ADAMTSL1: variants seen among roughly 807,000 people sequenced by gnomAD.
ADAMTSL1 encodes the protein ADAMTS-like protein 1.
A neutral mutation model predicts 201.8 loss-of-function variants in ADAMTSL1; 126 were observed. The observed-to-expected ratio is 0.62, with a 90% confidence interval of 0.54 to 0.72. The LOEUF (loss-of-function observed/expected upper bound fraction) is 0.72. ADAMTSL1 is among the 30% of genes least tolerant of loss of function. ADAMTSL1 has a pLI of 0.00. For missense variants in ADAMTSL1, 2,679 were observed against 2,277.8 expected (o/e 1.18, Z -3.59); for synonymous variants, 1,121 against 903.4 (o/e 1.24, Z -4.32).
At chr9:17,955,800 T>C (rs1352259394) in intron 1 of ADAMTSL1, among the ~76,000 whole-genome samples, 3 of 152,184 alleles carry the variant, frequency 2.0e-5, no homozygotes, top group Non-Finnish European at 4.4e-5. Flanking sequence ...TATCATAGTA[T>C]GTACGTTTAG....
chr9:18,715,892 T>C (rs1832896940), intron 14 of ADAMTSL1, among the ~76,000 whole-genome samples: 1 of 151,414 alleles, frequency 6.6e-6, no homozygotes. Context: ...AACTGAGATA[T>C]AGATCAATGG....
chr9:18,098,982 G>A (rs1793314409), intron 1 of ADAMTSL1, among the ~76,000 whole-genome samples: 2 of 152,070 alleles, frequency 1.3e-5, no homozygotes, highest in African/African-American at 4.8e-5. Flanking sequence ...ATTAATATCT[G>A]AAGATAGTTG....
rs1265987650 is a variant in ADAMTSL1, at chr9:18,348,199, T to C, written c.208-156630T>C. On this transcript the variant is annotated intron_variant, in intron 2 of 29. Coordinates refer to the ADAMTSL1 transcript ENST00000680146. The stretch of plus-strand genomic sequence containing the variant: ...TTGATTTAGTATTTTCTGTTTATAA[T>C]GAACTTTTAGTTAACTTGGATGGTT... Among the ~76,000 whole-genome samples the C allele has an allele frequency of 3.3e-5, 5 of 152,210 alleles. No individual in the cohort carries two copies. In the East Asian group the frequency reaches 7.7e-4, roughly 23 times the overall value.
chr9:18,452,254 G>A (rs1330914552), intron 2 of ADAMTSL1, among the ~76,000 whole-genome samples: 1 of 152,064 alleles, frequency 6.6e-6, no homozygotes, highest in Non-Finnish European at 1.5e-5. Flanking sequence ...AAGATAATGA[G>A]CCCACTTTTA....
rs139461494 is a variant in ADAMTSL1 at position 18,251,365 on chromosome 9, G to A, written c.207+87384G>A. 7.1e-3 allele frequency among the ~76,000 whole-genome samples: 1,076 copies of A among 152,082 alleles called. 15 individuals carry two copies. Among genetic ancestry groups the A allele is most frequent in the African/African-American group, 0.025 (1,018 of 41,494 alleles). On this transcript the variant is annotated intron_variant, in intron 2 of 29. Coordinates refer to the ADAMTSL1 transcript ENST00000680146. The stretch of plus-strand genomic sequence containing the variant: ...AGTTTCTAGACAAGAAAGTTTTATC[G>A]AGTCCTGAAAGAAGCATTTTGATGT...
At position 18,148,339 on chromosome 9, in the gene ADAMTSL1, C is replaced by CAAA. The variant is rs397802968; in HGVS notation, c.88-15512_88-15510dup. ...CAGTCACCTACACTTCAGTGACAGC[C>CAAA]AAAAAAAAAAAAACATGGATGATTA... On this transcript the variant is annotated intron_variant, in intron 1 of 29. Coordinates refer to the ADAMTSL1 transcript ENST00000680146. Among the ~76,000 whole-genome samples, 264 of 137,968 alleles carry CAAA rather than the reference C, an allele frequency of 1.9e-3. 3 individuals carry two copies. Among genetic ancestry groups the CAAA allele is most frequent in the Non-Finnish European group, 3.1e-3 (198 of 63,806 alleles). 90.5% of individuals were successfully genotyped at this position (137,968 alleles called of 152,430 possible).
intron 2 of ADAMTSL1, among the ~76,000 whole-genome samples, chr9:18,312,681 C>T (rs1220178773): frequency 6.6e-6 from 1 of 152,188 alleles, no homozygotes; most frequent in Non-Finnish European, 1.5e-5. Context: ...TTTTCATCCT[C>T]AGTTTAAAAA....
At position 18,602,962 on chromosome 9, in the gene ADAMTSL1, G is replaced by A. The variant is rs369992888; in HGVS notation, c.475-19281G>A. 5.3e-5 allele frequency among the ~76,000 whole-genome samples: 8 copies of A among 152,238 alleles called. No individual in the cohort carries two copies. The East Asian group carries it at 9.7e-4, about 18-fold the overall frequency. On this transcript the variant is annotated intron_variant, in intron 4 of 28. Coordinates refer to ENST00000380548, the MANE Select transcript of ADAMTSL1 (RefSeq NM_001040272.6). ...CCCATTTTTCTTCCTTAGATCAATA[G>A]GCAACTTCTAAGAGGTAAAAAATGA...
chr9:18,891,192 C>CATAGGTTCACCTT (rs966587602), intron 25 of ADAMTSL1, among the ~76,000 whole-genome samples: 2 of 140,176 alleles, frequency 1.4e-5, no homozygotes, highest in African/African-American at 5.3e-5. Context: ...AGGACGAAGC[C>CATAGGTTCACCTT]ATAGGTTCAC....
intron 2 of ADAMTSL1, among the ~76,000 whole-genome samples, chr9:18,242,992 C>T (rs1281051112): frequency 6.6e-6 from 1 of 151,954 alleles, no homozygotes; most frequent in African/African-American, 2.4e-5. Flanking sequence ...TAAGACAGTC[C>T]TAAAATTCAT....
At chr9:18,112,948 C>T (rs1175934088) in intron 1 of ADAMTSL1, among the ~76,000 whole-genome samples, 2 of 152,138 alleles carry the variant, frequency 1.3e-5, no homozygotes, top group Admixed American at 1.3e-4. Flanking sequence ...TGAACTTGTA[C>T]AGTCAATCAG....
At chr9:18,622,701 T>C in intron 5 of ADAMTSL1, 2 of 440,628 alleles carry the variant, frequency 4.5e-6, no homozygotes, top group Non-Finnish European at 8.0e-6. Context: ...TGTAGTGTGC[T>C]ATGCCTGGTG....
Position 18,622,343 on chromosome 9 carries a change from A to G in ADAMTSL1, c.575A>G (p.Tyr192Cys). ...ACCTGCCGGCTGGTCCGAGGGCAGTATAAATCCCAGCTCTCCGCAACCAAA... is the reference window on the plus strand; with the variant it reads ...ACCTGCCGGCTGGTCCGAGGGCAGTGTAAATCCCAGCTCTCCGCAACCAAA... ...GSTCRLVRGQ[Y>C]KSQLSATKSD... The change falls in exon 5 of 29, where the codon TAT (tyrosine) becomes TGT (cysteine). Residue 192 changes from tyrosine (Y) to cysteine (C), a missense_variant. Physicochemically the swap from Tyr to Cys is radical, Grantham distance 194. Transcript: ENST00000380548. 1.2e-6 allele frequency: 2 copies of G among 1,614,080 alleles called. No individual in the cohort carries two copies. The highest frequency in any genetic ancestry group is 1.7e-6 in the Non-Finnish European group (2 of 1,179,966).
At chr9:18,318,658 A>G (rs1834502200) in intron 2 of ADAMTSL1, among the ~76,000 whole-genome samples, 1 of 152,090 alleles carries the variant, frequency 6.6e-6, no homozygotes, top group African/African-American at 2.4e-5. Context: ...AGGAGCTGAT[A>G]TGATTGGAAA....
rs187283370 is a variant in ADAMTSL1 at position 18,389,061 on chromosome 9, G to A, written c.208-115768G>A. On this transcript the variant is annotated intron_variant, in intron 2 of 29. Transcript: ENST00000680146. Reference sequence around the variant, plus strand: ...TGAGCCACTGCAACCAGTCCTAATAGCATTGAATTTTAACACCTATATTTG... The same window carrying A: ...TGAGCCACTGCAACCAGTCCTAATAACATTGAATTTTAACACCTATATTTG... Among the ~76,000 whole-genome samples, 610 of 152,064 alleles carry A rather than the reference G, an allele frequency of 4.0e-3. 4 individuals are homozygous for A. The highest frequency in any genetic ancestry group is 0.011 in the African/African-American group (452 of 41,490).
chr9:18,639,059 T>C lies in ADAMTSL1; in HGVS notation c.677-195T>C, dbSNP rs145965309. ...CTGGCTAATGACTTTTGAAATAATT[T>C]CAACTCCAGCATAAATTCCTATGTG... On this transcript the variant is annotated intron_variant, in intron 6 of 28. Transcript: ENST00000380548. 5.1e-3 allele frequency among the ~76,000 whole-genome samples: 772 copies of C among 152,258 alleles called. 6 individuals are homozygous for C. Among genetic ancestry groups the C allele is most frequent in the African/African-American group, 0.018 (743 of 41,562 alleles).
intron 1 of ADAMTSL1, among the ~76,000 whole-genome samples, chr9:17,998,549 C>T (rs1819480359): frequency 6.6e-6 from 1 of 151,986 alleles, no homozygotes; most frequent in African/African-American, 2.4e-5. Context: ...AGTCTATAGG[C>T]TGCAAGGAGT....
chr9:17,938,984 A>G (rs752964822), intron 1 of ADAMTSL1, among the ~76,000 whole-genome samples: 3 of 152,054 alleles, frequency 2.0e-5, no homozygotes, highest in Non-Finnish European at 4.4e-5. Flanking sequence ...GGAGGGAAAT[A>G]TCCCTCCTTA....
intron 2 of ADAMTSL1, among the ~76,000 whole-genome samples, chr9:18,442,897 G>A (rs935677731): frequency 6.6e-6 from 1 of 152,184 alleles, no homozygotes; most frequent in Admixed American, 6.5e-5. Context: ...AAACTTCTCA[G>A]CCTTCTACGA....
Sources: allele counts gnomAD v4.1 joint callset (sites outside exome capture counted in the v4.1 genomes callset), GRCh38; gene constraint gnomAD v4.1.1; transcripts MANE v1.5; gene names NCBI Gene and HGNC (gene_info 2026-07-23, HGNC 2026-07-21).